NCKAP5: variants seen among roughly 807,000 people sequenced by gnomAD.
NCKAP5 encodes NCK associated protein 5, also known as nck-associated protein 5.
A neutral mutation model predicts 167.0 loss-of-function variants in NCKAP5; 92 were observed. The ratio of observed to expected loss-of-function variants is 0.55; its 90% CI spans 0.47 to 0.66. The LOEUF is 0.66. Among genes scored for constraint, NCKAP5 ranks in the 30% least tolerant of loss-of-function variants. The pLI is 0.00. For synonymous variants in NCKAP5, 891 were observed against 877.4 expected (o/e 1.02, Z -0.27); for missense variants, 2,378 against 2,315.0 (o/e 1.03, Z -0.56).
At chr2:133,367,040 A>G (rs1472758966) in intron 3 of NCKAP5, among the ~76,000 whole-genome samples, 1 of 152,202 alleles carries the variant, frequency 6.6e-6, no homozygotes, top group Non-Finnish European at 1.5e-5. Flanking sequence ...CACACCTTCA[A>G]CCTTGAAATA....
At chr2:133,132,250 G>A (rs1171419638) in intron 5 of NCKAP5, among the ~76,000 whole-genome samples, 1 of 148,298 alleles carries the variant, frequency 6.7e-6, no homozygotes, top group East Asian at 2.0e-4. Context: ...TTACACCACT[G>A]CAATCCAGCA....
chr2:132,814,646 C>T (rs567679640), intron 11 of NCKAP5, among the ~76,000 whole-genome samples: 1 of 152,120 alleles, frequency 6.6e-6, no homozygotes, highest in Non-Finnish European at 1.5e-5. Flanking sequence ...AAACAGAATC[C>T]GAGATAGAAG....
chr2:133,575,660 C>T, the NCKAP5 span, among the ~76,000 whole-genome samples: 4 of 152,148 alleles, frequency 2.6e-5, no homozygotes, highest in Non-Finnish European at 1.5e-5. Flanking sequence ...TCTTAGGTTC[C>T]ATTCGGTTCC....
chr2:133,236,554 C>T (rs1028652241), intron 4 of NCKAP5, among the ~76,000 whole-genome samples: 2 of 152,110 alleles, frequency 1.3e-5, no homozygotes, highest in African/African-American at 4.8e-5. Context: ...AACTGAGATA[C>T]AGCATATTTC....
the NCKAP5 span, among the ~76,000 whole-genome samples, chr2:133,642,195 C>T: frequency 6.6e-6 from 1 of 152,138 alleles, no homozygotes; most frequent in African/African-American, 2.4e-5. Context: ...TCTATTCCCA[C>T]AAGAGCTGAA....
intron 11 of NCKAP5, among the ~76,000 whole-genome samples, chr2:132,806,101 T>A (rs1685412272): frequency 6.6e-6 from 1 of 152,198 alleles, no homozygotes; most frequent in African/African-American, 2.4e-5. Context: ...GCAAATGCTG[T>A]TAATTCGTTC....
At chr2:132,715,597 G>C (rs538443085) in intron 19 of NCKAP5, among the ~76,000 whole-genome samples, 2 of 152,212 alleles carry the variant, frequency 1.3e-5, no homozygotes, top group Non-Finnish European at 2.9e-5. Flanking sequence ...TGTTCTCTAA[G>C]AGAGACAGAG....
chr2:132,694,103 TTTTATTTATTTATTTA>T (rs140401537), intron 19 of NCKAP5, among the ~76,000 whole-genome samples: 1 of 146,952 alleles, frequency 6.8e-6, no homozygotes, highest in Non-Finnish European at 1.5e-5. Flanking sequence ...GTTTTAAGTG[TTTTATTTATTTATTTA>T]TTTATTTATT....
At chr2:132,970,296 T>C (rs1470234693) in intron 7 of NCKAP5, among the ~76,000 whole-genome samples, 4 of 152,170 alleles carry the variant, frequency 2.6e-5, no homozygotes, top group Non-Finnish European at 5.9e-5. Context: ...AAAAAGGATA[T>C]CAGACAGAGA....
At chr2:132,826,517 C>A (rs951870102) in intron 11 of NCKAP5, among the ~76,000 whole-genome samples, 1 of 152,152 alleles carries the variant, frequency 6.6e-6, no homozygotes, top group Non-Finnish European at 1.5e-5. Flanking sequence ...CCAAATTATA[C>A]TTTTATTTGT....
intron 4 of NCKAP5, among the ~76,000 whole-genome samples, chr2:133,225,605 T>C (rs902800082): frequency 3.3e-5 from 5 of 151,912 alleles, no homozygotes; most frequent in African/African-American, 4.8e-5. Flanking sequence ...CTCAACAAAA[T>C]GGTGGTTTTA....
chr2:132,788,379 T>C (rs1225610523), intron 13 of NCKAP5, among the ~76,000 whole-genome samples: 1 of 152,148 alleles, frequency 6.6e-6, no homozygotes, highest in Non-Finnish European at 1.5e-5. Flanking sequence ...CTGATCTCAA[T>C]AATTGAAGCA....
intron 3 of NCKAP5, among the ~76,000 whole-genome samples, chr2:133,494,074 C>A (rs1400355919): frequency 6.6e-6 from 1 of 152,174 alleles, no homozygotes; most frequent in Non-Finnish European, 1.5e-5. Flanking sequence ...CATGCTTTGG[C>A]CTTTTTGTTC....
At chr2:132,962,482 C>T (rs773858831) in intron 8 of NCKAP5, among the ~76,000 whole-genome samples, 25 of 152,058 alleles carry the variant, frequency 1.6e-4, no homozygotes, top group Non-Finnish European at 2.9e-4. Context: ...TTATTATCAC[C>T]GAGGAAATTA....
At chr2:132,832,744 C>G (rs1409192974) in intron 11 of NCKAP5, among the ~76,000 whole-genome samples, 1 of 151,986 alleles carries the variant, frequency 6.6e-6, no homozygotes, top group Non-Finnish European at 1.5e-5. Context: ...GTATATATAC[C>G]ACATTTCTTT....
chr2:133,196,725 T>C (rs533764713), intron 5 of NCKAP5, among the ~76,000 whole-genome samples: 3 of 152,280 alleles, frequency 2.0e-5, no homozygotes, highest in African/African-American at 7.2e-5. Context: ...ACACCAGATG[T>C]GGACAGAATA....
At chr2:133,163,097 A>C (rs1350657187) in intron 5 of NCKAP5, among the ~76,000 whole-genome samples, 3 of 151,416 alleles carry the variant, frequency 2.0e-5, no homozygotes, top group Admixed American at 6.6e-5. Flanking sequence ...ATGAAAGATT[A>C]AGTTTCAAGG....
intron 15 of NCKAP5, among the ~76,000 whole-genome samples, chr2:132,777,850 T>A (rs947161561): frequency 6.6e-6 from 1 of 152,078 alleles, no homozygotes; most frequent in East Asian, 1.9e-4. Flanking sequence ...TTAGCAGACA[T>A]GATTTTTTTT....
At chr2:132,833,372 A>G (rs559896764) in intron 11 of NCKAP5, among the ~76,000 whole-genome samples, 2 of 152,182 alleles carry the variant, frequency 1.3e-5, no homozygotes, top group East Asian at 3.9e-4. Context: ...TTTTAGCTTT[A>G]TATGGTTTCT....
Sources: allele counts gnomAD v4.1 joint callset (sites outside exome capture counted in the v4.1 genomes callset), GRCh38; gene constraint gnomAD v4.1.1; transcripts MANE v1.5; gene names NCBI Gene and HGNC (gene_info 2026-07-23, HGNC 2026-07-21).